The following ENTHD1 variants were observed in gnomAD, a reference collection of about 807,000 sequenced individuals.
ENTHD1 encodes the protein ENTH domain-containing protein 1.
ENTHD1 carries 23 observed loss-of-function variants against 39.1 expected under a neutral mutation model. The ratio of observed to expected loss-of-function variants is 0.59; its 90% CI spans 0.42 to 0.83. ENTHD1 has a LOEUF of 0.83. Ranked by LOEUF, ENTHD1 falls within the 40% of genes least tolerant of loss-of-function variation. The probability of loss-of-function intolerance (pLI) is 0.00; values close to 1 mark genes in which losing one functional copy is unlikely to be tolerated. For missense variants in ENTHD1, 624 were observed against 705.4 expected (o/e 0.88, Z 1.31); for synonymous variants, 230 against 258.2 (o/e 0.89, Z 1.05).
At chr22:39,827,579 C>T (rs1044740836) in intron 4 of ENTHD1, among the ~76,000 whole-genome samples, 2 of 151,994 alleles carry the variant, frequency 1.3e-5, no homozygotes, top group African/African-American at 4.8e-5. Context: ...GCCCAATAAA[C>T]ACATAAAAAG....
chr22:39,762,538 A>G (rs928633696), intron 6 of ENTHD1, among the ~76,000 whole-genome samples: 2 of 151,918 alleles, frequency 1.3e-5, no homozygotes, highest in African/African-American at 4.8e-5. Flanking sequence ...TGTAGCCTCA[A>G]CCTCTTGGGC....
intron 3 of ENTHD1, among the ~76,000 whole-genome samples, chr22:39,857,689 G>A (rs1344336396): frequency 3.3e-5 from 5 of 151,972 alleles, no homozygotes; most frequent in Admixed American, 6.6e-5. Flanking sequence ...CCAGATTACT[G>A]CAATAAAGCA....
intron 5 of ENTHD1, among the ~76,000 whole-genome samples, chr22:39,795,056 G>C (rs1244987424): frequency 6.6e-6 from 1 of 152,110 alleles, no homozygotes; most frequent in Non-Finnish European, 1.5e-5. Flanking sequence ...CACTGATGTG[G>C]TATATATTTA....
intron 2 of ENTHD1, among the ~76,000 whole-genome samples, chr22:39,885,203 A>G (rs66609907): frequency 0.15 from 22,753 of 152,232 alleles, 2,652 homozygotes; most frequent in East Asian, 0.66. Flanking sequence ...TAGATGTTAC[A>G]CCAAAGAAGA....
intron 3 of ENTHD1, among the ~76,000 whole-genome samples, chr22:39,842,501 T>G (rs2065952448): frequency 6.6e-6 from 1 of 152,240 alleles, no homozygotes; most frequent in Non-Finnish European, 1.5e-5. Context: ...CTTCCATTGC[T>G]GATACCCTTT....
intron 3 of ENTHD1, among the ~76,000 whole-genome samples, chr22:39,861,159 G>C (rs1458388130): frequency 6.6e-6 from 1 of 152,262 alleles, no homozygotes; most frequent in Admixed American, 6.5e-5. Context: ...ATTGAATCAC[G>C]ATGCCAAATA....
intron 5 of ENTHD1, among the ~76,000 whole-genome samples, chr22:39,785,331 C>T (rs1326219350): frequency 6.6e-6 from 1 of 152,100 alleles, no homozygotes; most frequent in African/African-American, 2.4e-5. Flanking sequence ...ATATCCGGTG[C>T]CATCTCACCT....
chr22:39,840,423 G>A (rs538345470), intron 3 of ENTHD1, among the ~76,000 whole-genome samples: 3 of 152,172 alleles, frequency 2.0e-5, no homozygotes, highest in South Asian at 2.1e-4. Context: ...TCAAACTGAC[G>A]TTCAAATTAT....
intron 5 of ENTHD1, among the ~76,000 whole-genome samples, chr22:39,782,057 T>A (rs1200426988): frequency 6.6e-6 from 1 of 151,934 alleles, no homozygotes; most frequent in Non-Finnish European, 1.5e-5. Context: ...GAGGATGAAG[T>A]GGGAGGATCA....
chr22:39,772,862 A>G (rs1007203162), intron 5 of ENTHD1, among the ~76,000 whole-genome samples: 11 of 152,302 alleles, frequency 7.2e-5, no homozygotes, highest in Admixed American at 2.0e-4. Flanking sequence ...CTTTGAGACC[A>G]TGGTATTAGT....
At chr22:39,857,018 A>C (rs933362696) in intron 3 of ENTHD1, among the ~76,000 whole-genome samples, 8 of 152,214 alleles carry the variant, frequency 5.3e-5, no homozygotes, top group Non-Finnish European at 1.2e-4. Context: ...GTCGTATTAA[A>C]AAATAATAAA....
chr22:39,802,575 G>A (rs951390567), intron 5 of ENTHD1, among the ~76,000 whole-genome samples: 5 of 152,188 alleles, frequency 3.3e-5, no homozygotes, highest in Non-Finnish European at 5.9e-5. Context: ...GCAGGGGAAG[G>A]TTCAAGTAGT....
chr22:39,814,707 T>C (rs1173748942), intron 5 of ENTHD1, among the ~76,000 whole-genome samples: 4 of 152,218 alleles, frequency 2.6e-5, no homozygotes, highest in Non-Finnish European at 5.9e-5. Flanking sequence ...TGGCTATCCA[T>C]TTAGAAGTAA....
intron 6 of ENTHD1, among the ~76,000 whole-genome samples, chr22:39,749,963 A>T (rs980759003): frequency 6.6e-6 from 1 of 152,226 alleles, no homozygotes; most frequent in African/African-American, 2.4e-5. Context: ...CTGGACCAGG[A>T]TCAGTGCCTC....
intron 5 of ENTHD1, among the ~76,000 whole-genome samples, chr22:39,815,486 C>T (rs933894818): frequency 2.0e-5 from 3 of 151,484 alleles, no homozygotes; most frequent in African/African-American, 7.3e-5. Context: ...ACAAATGATA[C>T]CCACCCAATA....
chr22:39,838,076 A>G (rs2065918974), intron 3 of ENTHD1, among the ~76,000 whole-genome samples: 1 of 152,246 alleles, frequency 6.6e-6, no homozygotes, highest in Non-Finnish European at 1.5e-5. Context: ...TTTACAGCAT[A>G]TGATACAATA....
At chr22:39,836,062 T>C (rs1442070775) in intron 3 of ENTHD1, 104 bp from the exon 4 acceptor site, 5 of 744,294 alleles carry the variant, frequency 6.7e-6, no homozygotes, top group Non-Finnish European at 1.1e-5. Flanking sequence ...ATACCTTTTT[T>C]TCCTGCTAAA....
At chr22:39,803,529 C>T (rs1343083529) in intron 5 of ENTHD1, among the ~76,000 whole-genome samples, 1 of 152,056 alleles carries the variant, frequency 6.6e-6, no homozygotes, top group Non-Finnish European at 1.5e-5. Flanking sequence ...ATGTTTACTG[C>T]CATAAATCCA....
intron 3 of ENTHD1, among the ~76,000 whole-genome samples, chr22:39,839,811 G>C (rs1458682770): frequency 6.6e-6 from 1 of 152,100 alleles, no homozygotes; most frequent in Non-Finnish European, 1.5e-5. Flanking sequence ...AATGTCAGAT[G>C]GTCAATTTTG....
Sources: gnomAD v4.1 joint callset for allele counts (sites outside exome capture counted in the v4.1 genomes callset) on GRCh38, gnomAD v4.1.1 for gene constraint, MANE v1.5 for transcripts, NCBI Gene and HGNC (gene_info 2026-07-23, HGNC 2026-07-21) for gene names.